Variants in GLI2 observed in about 807,000 individuals in gnomAD.
The protein encoded by GLI2 is transcription activator GLI2.
A neutral mutation model predicts 78.9 loss-of-function variants in GLI2; 22 were observed. The ratio of observed to expected loss-of-function variants is 0.28; its 90% CI spans 0.20 to 0.40. The LOEUF is 0.40. Ranked by LOEUF, GLI2 falls within the 10% of genes least tolerant of loss-of-function variation. GLI2 has a pLI of 1.00. For synonymous variants in GLI2, 974 were observed against 963.7 expected (o/e 1.01, Z -0.20); for missense variants, 2,097 against 2,213.2 (o/e 0.95, Z 1.05).
At chr2:120,855,676 T>C (rs946547815) in intron 2 of GLI2, among the ~76,000 whole-genome samples, 2 of 151,932 alleles carry the variant, frequency 1.3e-5, no homozygotes, top group Non-Finnish European at 2.9e-5. Flanking sequence ...CAGGCACTGC[T>C]TGGTTTTCCA....
intron 2 of GLI2, among the ~76,000 whole-genome samples, chr2:120,896,719 AC>A (rs1677983890): frequency 6.7e-6 from 1 of 148,742 alleles, no homozygotes; most frequent in Non-Finnish European, 1.5e-5. Flanking sequence ...ACACACACAC[AC>A]ACACACACAC....
intron 1 of GLI2, among the ~76,000 whole-genome samples, chr2:120,774,472 T>C (rs114699499): frequency 0.013 from 1,968 of 152,242 alleles, 43 homozygotes; most frequent in African/African-American, 0.045. Context: ...CCATTAGCAG[T>C]CGCTCCCCAT....
At chr2:120,987,859 G>A (rs1202482560) in intron 13 of GLI2, among the ~76,000 whole-genome samples, 2 of 152,202 alleles carry the variant, frequency 1.3e-5, no homozygotes, top group Non-Finnish European at 2.9e-5. Flanking sequence ...AGGCCTCCTG[G>A]CTTCCCCTCG....
intron 2 of GLI2, among the ~76,000 whole-genome samples, chr2:120,814,772 G>GCCCCCGCCCGCCCCAC (rs1192469336): frequency 2.1e-4 from 30 of 141,414 alleles, no homozygotes; most frequent in East Asian, 6.3e-4. Flanking sequence ...TGGGATTCCT[G>GCCCCCGCCCGCCCCAC]CCCCCGCCCG....
At chr2:120,838,162 A>T (rs1686704200) in intron 2 of GLI2, among the ~76,000 whole-genome samples, 1 of 152,082 alleles carries the variant, frequency 6.6e-6, no homozygotes, top group South Asian at 2.1e-4. Flanking sequence ...TTTTTGTTTT[A>T]TCATTTGTAT....
At chr2:120,762,833 A>T (rs1402649064) in intron 1 of GLI2, among the ~76,000 whole-genome samples, 1 of 152,148 alleles carries the variant, frequency 6.6e-6, no homozygotes, top group Non-Finnish European at 1.5e-5. Flanking sequence ...CTAAGGAGAC[A>T]CCTGAGGGCC....
intron 2 of GLI2, among the ~76,000 whole-genome samples, chr2:120,824,665 C>T (rs1403607106): frequency 6.6e-6 from 1 of 152,224 alleles, no homozygotes; most frequent in African/African-American, 2.4e-5. Flanking sequence ...AAGTCATTTA[C>T]CCCAAATGAC....
At chr2:120,948,789 G>A (rs1680839256) in intron 3 of GLI2, among the ~76,000 whole-genome samples, 1 of 152,186 alleles carries the variant, frequency 6.6e-6, no homozygotes, top group African/African-American at 2.4e-5. Flanking sequence ...CCCGGGACCT[G>A]AACAAGCCAC....
At chr2:120,887,971 G>A (rs763269689) in intron 2 of GLI2, among the ~76,000 whole-genome samples, 1 of 152,244 alleles carries the variant, frequency 6.6e-6, no homozygotes, top group African/African-American at 2.4e-5. Context: ...CTTGGGCACA[G>A]CTAGCAGGAC....
At chr2:120,960,148 T>G (rs534608904) in intron 5 of GLI2, among the ~76,000 whole-genome samples, 11 of 152,344 alleles carry the variant, frequency 7.2e-5, no homozygotes, top group African/African-American at 2.4e-4. Flanking sequence ...CAACGCATCA[T>G]GAGCAGCACA....
At chr2:120,963,788 G>A (rs992466135) in intron 5 of GLI2, among the ~76,000 whole-genome samples, 1 of 152,380 alleles carries the variant, frequency 6.6e-6, no homozygotes, top group Non-Finnish European at 1.5e-5. Flanking sequence ...TTAGTGTCCT[G>A]TTTTGTCTTC....
intron 3 of GLI2, among the ~76,000 whole-genome samples, chr2:120,944,103 A>G (rs1356020551): frequency 6.6e-6 from 1 of 152,214 alleles, no homozygotes; most frequent in Non-Finnish European, 1.5e-5. Context: ...AGGGTCTGGC[A>G]TGCTCGCTTA....
intron 2 of GLI2, among the ~76,000 whole-genome samples, chr2:120,909,959 T>G (rs1178156691): frequency 6.6e-6 from 1 of 152,184 alleles, no homozygotes; most frequent in Non-Finnish European, 1.5e-5. Flanking sequence ...TCCTACAGAT[T>G]TATTCCATAA....
At chr2:120,985,077 C>T (rs1682910315) in intron 12 of GLI2, among the ~76,000 whole-genome samples, 1 of 152,232 alleles carries the variant, frequency 6.6e-6, no homozygotes, top group Non-Finnish European at 1.5e-5. Context: ...CCACTGCCAG[C>T]CCCCACTCCT....
intron 2 of GLI2, among the ~76,000 whole-genome samples, chr2:120,899,715 A>G (rs906311737): frequency 2.0e-5 from 3 of 152,196 alleles, no homozygotes; most frequent in Non-Finnish European, 4.4e-5. Flanking sequence ...GGCGGTGCCC[A>G]TCTTCCTCTT....
At chr2:120,934,027 C>G (rs1680076553) in intron 3 of GLI2, among the ~76,000 whole-genome samples, 2 of 152,338 alleles carry the variant, frequency 1.3e-5, no homozygotes, top group South Asian at 4.1e-4. Context: ...TTCTCAGGCC[C>G]TGGCCCCAGG....
chr2:120,906,248 C>T (rs1048963675), intron 2 of GLI2, among the ~76,000 whole-genome samples: 11 of 152,138 alleles, frequency 7.2e-5, no homozygotes, highest in African/African-American at 1.2e-4. Flanking sequence ...CCACATCCCT[C>T]GAGTGGTTTC....
chr2:120,920,241 A>T (rs1679302089), intron 2 of GLI2, among the ~76,000 whole-genome samples: 1 of 152,246 alleles, frequency 6.6e-6, no homozygotes, highest in Admixed American at 6.5e-5. Context: ...CTGCCGTGGA[A>T]CAGGCCCTCA....
intron 1 of GLI2, among the ~76,000 whole-genome samples, chr2:120,758,451 G>A (rs556983216): frequency 7.2e-5 from 11 of 152,328 alleles, no homozygotes; most frequent in African/African-American, 1.9e-4. Flanking sequence ...CCCCCTGACC[G>A]GGCCTCTCAG....
Sources: gnomAD v4.1 joint callset for allele counts (sites outside exome capture counted in the v4.1 genomes callset) on GRCh38, gnomAD v4.1.1 for gene constraint, MANE v1.5 for transcripts, NCBI Gene and HGNC (gene_info 2026-07-23, HGNC 2026-07-21) for gene names.